Variants in TRPS1 observed in about 807,000 individuals in gnomAD.
TRPS1 encodes the protein transcriptional repressor GATA binding 1, also known as zinc finger transcription factor Trps1.
In TRPS1, 6 loss-of-function variants were observed where a neutral mutation model predicts 101.2. The observed-to-expected ratio is 0.06, with a 90% CI of 0.03 to 0.12. The LOEUF is 0.12. TRPS1 is among the 10% of genes least tolerant of loss of function. TRPS1 has a pLI of 1.00. For synonymous variants in TRPS1, 578 were observed against 589.8 expected, an observed-to-expected ratio of 0.98 and a Z score of 0.29; for missense variants, 1,363 against 1,567.0, an observed-to-expected ratio of 0.87 and a Z score of 2.20.
chr8:115,512,892 T>G (rs1224792470), intron 5 of TRPS1, among the ~76,000 whole-genome samples: 1 of 151,700 alleles, frequency 6.6e-6, no homozygotes, highest in Non-Finnish European at 1.5e-5. Context: ...CAAAAACATT[T>G]AACTCCTTTT....
At chr8:115,653,678 C>G (rs1247328306) in intron 1 of TRPS1, among the ~76,000 whole-genome samples, 1 of 151,216 alleles carries the variant, frequency 6.6e-6, no homozygotes, top group Admixed American at 6.6e-5. Context: ...AAAAAGAAAA[C>G]AAAACAAAAC....
At chr8:115,453,014 C>A (rs949132959) in intron 5 of TRPS1, among the ~76,000 whole-genome samples, 3 of 151,898 alleles carry the variant, frequency 2.0e-5, no homozygotes, top group Non-Finnish European at 2.9e-5. Flanking sequence ...TTTTGCTTGT[C>A]CTCCACTTTC....
At chr8:115,535,172 C>CAT (rs1385063907) in intron 5 of TRPS1, among the ~76,000 whole-genome samples, 3 of 37,024 alleles carry the variant, frequency 8.1e-5, no homozygotes, top group African/African-American at 7.3e-4. Context: ...ATATGTATTG[C>CAT]ATATATAGCA....
intron 1 of TRPS1, among the ~76,000 whole-genome samples, chr8:115,632,806 G>A (rs1288601993): frequency 5.3e-5 from 8 of 152,116 alleles, no homozygotes; most frequent in Non-Finnish European, 1.0e-4. Flanking sequence ...TAGCAGTCAG[G>A]AGAGTGACTG....
In TRPS1 at chr8:115,411,841, A is replaced by T. The variant is rs1812796956; in HGVS notation, c.*2182T>A. 1 of 152,224 alleles carries T rather than the reference A, an allele frequency of 6.6e-6. No homozygotes were observed. Among genetic ancestry groups the T allele is most frequent in the Non-Finnish European group, 1.5e-5 (1 of 67,974 alleles). The allele number at this position is 152,224 out of a possible 1,614,324, so 9.4% of individuals were successfully genotyped here. On this transcript the variant is annotated 3_prime_UTR_variant, in exon 7 of 7. Transcript: ENST00000395715. The stretch of plus-strand genomic sequence containing the variant: ...AAAAAATGCAAAAATGAAAATGACA[A>T]CACAACATCAGAAAGACATTTTTTT...
At chr8:115,415,301 AG>A (rs1234840282) in intron 6 of TRPS1, among the ~76,000 whole-genome samples, 1 of 152,144 alleles carries the variant, frequency 6.6e-6, no homozygotes, top group African/African-American at 2.4e-5. Context: ...CCATCTTTGC[AG>A]GGGGGACTGA....
chr8:115,471,971 T>A (rs575732229), intron 5 of TRPS1, among the ~76,000 whole-genome samples: 1 of 152,202 alleles, frequency 6.6e-6, no homozygotes, highest in East Asian at 1.9e-4. Context: ...GCTGCCTTCA[T>A]GGTCTGGCAC....
chr8:115,459,571 T>C (rs1814114444), intron 5 of TRPS1, among the ~76,000 whole-genome samples: 1 of 152,094 alleles, frequency 6.6e-6, no homozygotes, highest in Non-Finnish European at 1.5e-5. Flanking sequence ...AATGAGAAAG[T>C]TAGTGAGATA....
chr8:115,493,924 T>C (rs1046562630), intron 5 of TRPS1, among the ~76,000 whole-genome samples: 1 of 152,202 alleles, frequency 6.6e-6, no homozygotes, highest in African/African-American at 2.4e-5. Context: ...AACACTGATT[T>C]ATAAAGGAAA....
chr8:115,460,043 T>C (rs1020719004), intron 5 of TRPS1, among the ~76,000 whole-genome samples: 3 of 152,186 alleles, frequency 2.0e-5, no homozygotes, highest in Non-Finnish European at 2.9e-5. Context: ...TAAAGATTAA[T>C]TGTTTTCAGG....
rs530006144 is a variant in TRPS1, at chr8:115,663,970, A to G, written c.-122+4575T>C. 1.6e-4 allele frequency among the ~76,000 whole-genome samples: 25 copies of G among 152,186 alleles called. 1 individual carries two copies. The highest frequency in any genetic ancestry group is 1.2e-3 in the East Asian group (6 of 5,188). ...AAACTAAAGGCCAAATTCAGTTCTC[A>G]GGAATAGGAGAACAACTGAGCACTG... On this transcript the variant is annotated intron_variant, in intron 1 of 6. Transcript: ENST00000395715.
At position 115,570,599 on chromosome 8, in the gene TRPS1, A is replaced by C. The variant is rs16887549; in HGVS notation, c.2700+16402T>G. On this transcript the variant is annotated intron_variant, in intron 5 of 6. Transcript: ENST00000395715. ...AATTAAAAGAACTAGTATTTGCAGT[A>C]TCTCTCATATCTTTGTTCTACTGTG... 9.3e-3 allele frequency among the ~76,000 whole-genome samples: 1,418 copies of C among 151,960 alleles called. 24 individuals are homozygous for C. The highest frequency in any genetic ancestry group is 0.033 in the African/African-American group (1,362 of 41,430).
At chr8:115,445,102 T>C (rs1813699933) in intron 5 of TRPS1, among the ~76,000 whole-genome samples, 1 of 152,168 alleles carries the variant, frequency 6.6e-6, no homozygotes. Flanking sequence ...ACCCTCCCAG[T>C]CAAACTAGTT....
intron 5 of TRPS1, among the ~76,000 whole-genome samples, chr8:115,525,281 C>T (rs1388577842): frequency 1.3e-5 from 2 of 151,958 alleles, no homozygotes; most frequent in Admixed American, 1.3e-4. Flanking sequence ...TAATTCAATG[C>T]CCTACAAATT....
At chr8:115,658,396 A>T (rs1209071156) in intron 1 of TRPS1, among the ~76,000 whole-genome samples, 1 of 152,122 alleles carries the variant, frequency 6.6e-6, no homozygotes, top group Non-Finnish European at 1.5e-5. Context: ...TCTATGTCAG[A>T]GATATATAAA....
intron 5 of TRPS1, among the ~76,000 whole-genome samples, chr8:115,528,523 A>T (rs1816055547): frequency 6.6e-6 from 1 of 152,028 alleles, no homozygotes; most frequent in South Asian, 2.1e-4. Context: ...AAAGATTTCA[A>T]ACACACCTGA....
chr8:115,414,232 G>A lies in TRPS1; in HGVS notation c.3676C>T (p.Leu1226Phe). Residue 1226 changes from leucine to phenylalanine, a missense_variant, in exon 7 of 7, where the codon CTT becomes TTT. Physicochemically the swap from Leu to Phe is conservative, Grantham distance 22 (BLOSUM62 0). Coordinates refer to ENST00000395715, the MANE Select transcript of TRPS1 (RefSeq NM_014112.5). This position sits in a 1 kb window ranked among gnomAD's most constrained non-coding sequence, Gnocchi z 4.8. ...CCACAGTGCACACATTTTGTTGAAA[G>A]TTCATCTTGAGTACTTCTATCAACT... ...EKVDRSTQDELSTKCVHCGIV... is the reference protein window; with the variant it reads ...EKVDRSTQDEFSTKCVHCGIV... 2 of 1,614,014 alleles carry A rather than the reference G, an allele frequency of 1.2e-6. No homozygotes were observed. The highest frequency in any genetic ancestry group is 1.7e-6 in the Non-Finnish European group (2 of 1,179,948).
At chr8:115,616,209 A>G (rs561606526) in intron 3 of TRPS1, among the ~76,000 whole-genome samples, 7 of 152,284 alleles carry the variant, frequency 4.6e-5, no homozygotes, top group African/African-American at 1.7e-4. Context: ...CAGCACAAAG[A>G]AACATTGTTA....
chr8:115,494,184 A>G (rs1189108422), intron 5 of TRPS1, among the ~76,000 whole-genome samples: 1 of 152,176 alleles, frequency 6.6e-6, no homozygotes, highest in Non-Finnish European at 1.5e-5. Flanking sequence ...AAATACTCTC[A>G]AAGACCTTTC....
Sources: gnomAD v4.1 joint callset for allele counts (sites outside exome capture counted in the v4.1 genomes callset) on GRCh38, gnomAD v4.1.1 for gene constraint, Gnocchi (gnomAD v3.1) non-coding constraint, MANE v1.5 for transcripts, NCBI Gene and HGNC (gene_info 2026-07-23, HGNC 2026-07-21) for gene names.